Variants in FAF1 observed in about 807,000 individuals in gnomAD.
FAF1 encodes the protein Fas associated factor 1.
In FAF1, 25 loss-of-function variants were observed where a neutral mutation model predicts 92.5. The observed-to-expected ratio is 0.27, with a 90% CI of 0.20 to 0.38. The LOEUF is 0.38. Among genes scored for constraint, FAF1 ranks in the 10% least tolerant of loss-of-function variants. FAF1 has a pLI of 1.00. For missense variants in FAF1, 636 were observed against 793.3 expected (o/e 0.80, Z 2.38); for synonymous variants, 234 against 273.2 (o/e 0.86, Z 1.42).
chr1:50,923,157 A>T (rs1644978949), intron 1 of FAF1, among the ~76,000 whole-genome samples: 1 of 152,236 alleles, frequency 6.6e-6, no homozygotes, highest in South Asian at 2.1e-4. Flanking sequence ...AATAACGCAC[A>T]CCTATAATCT....
intron 7 of FAF1, among the ~76,000 whole-genome samples, chr1:50,679,299 A>G (rs552343119): frequency 3.5e-5 from 5 of 142,780 alleles, no homozygotes; most frequent in Non-Finnish European, 6.0e-5. Context: ...TTATTCCTTT[A>G]CTTTCTTAAA....
chr1:50,788,032 A>G lies in FAF1; in HGVS notation c.335T>C (p.Val112Ala), dbSNP rs936637973. The change falls in exon 4 of 19, where the codon GTT (valine) becomes GCT (alanine). Residue 112 changes from valine (V) to alanine (A), a missense_variant. Physicochemically the swap from Val to Ala is moderately conservative, Grantham distance 64 (BLOSUM62 0). This residue lies in a region of FAF1 where 317 missense variants were observed against 342.4 expected (regional missense o/e 0.93). Transcript: ENST00000396153. ...ACAGGTGTCTTCAAGTACCACATCAACATTTCTGTCTCTGTATTCAACCCT... is the reference window on the plus strand; with the variant it reads ...ACAGGTGTCTTCAAGTACCACATCAGCATTTCTGTCTCTGTATTCAACCCT... ...DFRVEYRDRNVDVVLEDTCTV... is the reference protein window; with the variant it reads ...DFRVEYRDRNADVVLEDTCTV... 1.2e-6 allele frequency: 2 copies of G among 1,614,128 alleles called. No homozygotes were observed. The highest frequency in any genetic ancestry group is 1.7e-6 in the Non-Finnish European group (2 of 1,180,012).
intron 4 of FAF1, among the ~76,000 whole-genome samples, chr1:50,759,558 A>C (rs982549819): frequency 2.0e-5 from 3 of 151,856 alleles, no homozygotes; most frequent in Non-Finnish European, 4.4e-5. Flanking sequence ...TCATTGTTGG[A>C]CATTTGGGTT....
At chr1:50,454,261 C>G (rs1175927614) in intron 18 of FAF1, among the ~76,000 whole-genome samples, 4 of 152,182 alleles carry the variant, frequency 2.6e-5, no homozygotes, top group African/African-American at 9.7e-5. Context: ...GTTTGCTATT[C>G]CTCAAATATG....
intron 18 of FAF1, chr1:50,461,331 G>A (rs1222061784): frequency 6.6e-6 from 1 of 152,128 alleles, no homozygotes; most frequent in African/African-American, 2.4e-5. Flanking sequence ...CTGCCAGGAT[G>A]ATCTTCTCCT....
chr1:50,879,063 T>C (rs899394920), intron 1 of FAF1, among the ~76,000 whole-genome samples: 1 of 152,100 alleles, frequency 6.6e-6, no homozygotes, highest in African/African-American at 2.4e-5. Context: ...CTGACCAACA[T>C]GGTGAAACCC....
chr1:50,641,845 T>G (rs1052859493), intron 8 of FAF1, among the ~76,000 whole-genome samples: 1 of 152,220 alleles, frequency 6.6e-6, no homozygotes, highest in Admixed American at 6.5e-5. Flanking sequence ...TTTAGGATCA[T>G]TCTGTCTTCT....
intron 1 of FAF1, among the ~76,000 whole-genome samples, chr1:50,920,285 G>C (rs565419358): frequency 1.3e-5 from 2 of 148,390 alleles, no homozygotes; most frequent in Admixed American, 6.8e-5. Flanking sequence ...CTGGGTGAAA[G>C]AGCAAGACTC....
At position 50,583,746 on chromosome 1, in the gene FAF1, C is replaced by G. The variant is rs1651096460; in HGVS notation, c.968-31G>C. ...AAACAAACAAAAGAAAAAACAAAAA[C>G]AAAAAAACAAAACAAATAGACACAA... On this transcript the variant is annotated intron_variant, in intron 10 of 18. Transcript: ENST00000396153. The surrounding 1 kb of genome is among the most constrained non-coding windows in gnomAD (Gnocchi z 4.2). 1 of 1,456,708 alleles carries G rather than the reference C, an allele frequency of 6.9e-7. No individual in the cohort carries two copies. Among genetic ancestry groups the G allele is most frequent in the African/African-American group, 1.4e-5 (1 of 70,796 alleles). The allele number at this position is 1,456,708 out of a possible 1,614,324, so 90.2% of individuals were successfully genotyped here.
At chr1:50,625,598 A>G (rs1653461128) in intron 8 of FAF1, among the ~76,000 whole-genome samples, 1 of 152,218 alleles carries the variant, frequency 6.6e-6, no homozygotes, top group Admixed American at 6.5e-5. Flanking sequence ...AGAGGAGGGT[A>G]GGCGGAGTGT....
At chr1:50,516,187 A>G (rs1274247137) in intron 15 of FAF1, among the ~76,000 whole-genome samples, 1 of 152,142 alleles carries the variant, frequency 6.6e-6, no homozygotes, top group African/African-American at 2.4e-5. Flanking sequence ...CAAACTCTTA[A>G]CCACCAACTT....
intron 8 of FAF1, among the ~76,000 whole-genome samples, chr1:50,606,565 T>A (rs894617648): frequency 2.9e-5 from 4 of 138,548 alleles, no homozygotes; most frequent in African/African-American, 8.0e-5. Flanking sequence ...AATGGCACGA[T>A]CTCAGCTCAC....
At chr1:50,514,964 G>C (rs901120678) in intron 15 of FAF1, among the ~76,000 whole-genome samples, 20 of 152,134 alleles carry the variant, frequency 1.3e-4, no homozygotes, top group African/African-American at 4.6e-4. Context: ...CTAACTCACA[G>C]ATTATGGCAT....
intron 15 of FAF1, among the ~76,000 whole-genome samples, chr1:50,505,274 A>G (rs1227371233): frequency 6.6e-6 from 1 of 152,184 alleles, no homozygotes; most frequent in Non-Finnish European, 1.5e-5. Flanking sequence ...ATAGGTTCCC[A>G]AATGGACATG....
intron 1 of FAF1, among the ~76,000 whole-genome samples, chr1:50,909,022 C>T (rs371650931): frequency 6.6e-6 from 1 of 152,158 alleles, no homozygotes; most frequent in Non-Finnish European, 1.5e-5. Flanking sequence ...TTGGTTGTTC[C>T]TTTCCACGTT....
intron 1 of FAF1, among the ~76,000 whole-genome samples, chr1:50,884,057 G>A (rs1040767272): frequency 5.9e-5 from 9 of 152,006 alleles, no homozygotes; most frequent in Admixed American, 1.3e-4. Context: ...CCCAGGAGGC[G>A]GAAGTTGCAG....
chr1:50,833,237 C>T (rs1484664322), intron 2 of FAF1, among the ~76,000 whole-genome samples: 1 of 152,018 alleles, frequency 6.6e-6, no homozygotes, highest in African/African-American at 2.4e-5. Flanking sequence ...TCCATCTTGG[C>T]TACAAATTTG....
intron 8 of FAF1, among the ~76,000 whole-genome samples, chr1:50,603,263 A>T (rs1325312023): frequency 6.6e-6 from 1 of 152,246 alleles, no homozygotes; most frequent in Non-Finnish European, 1.5e-5. Flanking sequence ...TCTACCATAC[A>T]TGACAACTCT....
chr1:50,573,104 C>T (rs1357357871), intron 12 of FAF1, among the ~76,000 whole-genome samples: 1 of 150,772 alleles, frequency 6.6e-6, no homozygotes, highest in African/African-American at 2.4e-5. Context: ...CTGAATTTTT[C>T]TTTTCTTTTT....
Sources: gnomAD v4.1 joint callset for allele counts (sites outside exome capture counted in the v4.1 genomes callset) on GRCh38, gnomAD v4.1.1 for gene constraint, gnomAD v4.1.1 regional missense constraint, Gnocchi (gnomAD v3.1) non-coding constraint, MANE v1.5 for transcripts, NCBI Gene and HGNC (gene_info 2026-07-23, HGNC 2026-07-21) for gene names.